Variants in EHBP1 observed in about 807,000 individuals in gnomAD.
The protein encoded by EHBP1 is EH domain-binding protein 1.
Under a neutral mutation model 144.0 loss-of-function variants are expected in EHBP1, and 55 were observed. The observed-to-expected ratio is 0.38, with a 90% CI of 0.31 to 0.48. The LOEUF (loss-of-function observed/expected upper bound fraction) is 0.48, where lower values mean the gene tolerates loss of function less well. Ranked by LOEUF, EHBP1 falls within the 20% of genes least tolerant of loss-of-function variation. The pLI is 0.98. For synonymous variants in EHBP1, 469 were observed against 472.7 expected, an observed-to-expected ratio of 0.99 and a Z score of 0.10; for missense variants, 1,200 against 1,364.2, an observed-to-expected ratio of 0.88 and a Z score of 1.90.
At chr2:62,847,164 A>G (rs1168417284) in intron 7 of EHBP1, among the ~76,000 whole-genome samples, 1 of 152,228 alleles carries the variant, frequency 6.6e-6, no homozygotes, top group African/African-American at 2.4e-5. Flanking sequence ...AATATACCCA[A>G]GCTTGGCCAA....
intron 2 of EHBP1, among the ~76,000 whole-genome samples, chr2:62,742,353 C>T (rs1477720637): frequency 6.6e-6 from 1 of 152,106 alleles, no homozygotes; most frequent in Non-Finnish European, 1.5e-5. Flanking sequence ...TGGAACCAAT[C>T]CCCCACAGAT....
intron 19 of EHBP1, among the ~76,000 whole-genome samples, chr2:63,036,203 A>G (rs1157801205): frequency 1.3e-5 from 2 of 152,092 alleles, no homozygotes; most frequent in African/African-American, 2.4e-5. Flanking sequence ...AAATTATGGT[A>G]TGCTCATAAT....
Position 63,045,220 on chromosome 2 carries a change from G to T in EHBP1, c.3392+40G>T, listed in dbSNP as rs377119679. ...GGGTCGGGTCGAGGCTGGGCCACCT[G>T]CCGAGGGGCCGAGAAGTGTGCGGAA... On this transcript the variant is annotated intron_variant, in intron 22 of 22. Coordinates refer to ENST00000431489, the MANE Select transcript of EHBP1 (RefSeq NM_001142616.3). The surrounding 1 kb of genome is among the most constrained non-coding windows in gnomAD (Gnocchi z 5.7). 517 of 1,523,574 alleles carry T rather than the reference G, an allele frequency of 3.4e-4. No individual in the cohort carries two copies. Among genetic ancestry groups the T allele is most frequent in the Admixed American group, 1.2e-3 (62 of 51,550 alleles). 94.4% of individuals were successfully genotyped at this position (1,523,574 alleles called of 1,614,324 possible).
chr2:62,878,894 T>C (rs2051122921), intron 10 of EHBP1, among the ~76,000 whole-genome samples: 1 of 151,786 alleles, frequency 6.6e-6, no homozygotes, highest in African/African-American at 2.4e-5. Context: ...GGTGGGCGCC[T>C]GTAGTCCCAG....
chr2:62,859,809 C>T (rs945489248), intron 8 of EHBP1, among the ~76,000 whole-genome samples: 2 of 151,850 alleles, frequency 1.3e-5, no homozygotes, highest in African/African-American at 4.8e-5. Flanking sequence ...ATTTTTTTTC[C>T]TGAGTCACTT....
chr2:62,790,480 A>G (rs1262244802), intron 5 of EHBP1, among the ~76,000 whole-genome samples: 2 of 152,200 alleles, frequency 1.3e-5, no homozygotes, highest in African/African-American at 4.8e-5. Context: ...ATGTTTAAAC[A>G]TTAAACATTT....
intron 18 of EHBP1, among the ~76,000 whole-genome samples, chr2:62,995,026 A>C (rs1056943435): frequency 6.6e-6 from 1 of 152,016 alleles, no homozygotes; most frequent in Non-Finnish European, 1.5e-5. Context: ...TGTTTTTTGT[A>C]TTATCTTTGC....
chr2:62,824,757 A>C (rs2046228800), intron 5 of EHBP1, among the ~76,000 whole-genome samples: 1 of 151,962 alleles, frequency 6.6e-6, no homozygotes, highest in African/African-American at 2.4e-5. Context: ...TAGGGATGCT[A>C]CATTACATTT....
intron 10 of EHBP1, 31 bp downstream of exon 10, chr2:62,874,563 T>C (rs762861884): frequency 3.3e-6 from 5 of 1,497,566 alleles, no homozygotes. Context: ...AAACATGTAT[T>C]AATATTTGCT....
chr2:62,850,362 T>A (rs1053579589), intron 7 of EHBP1, among the ~76,000 whole-genome samples: 2 of 152,190 alleles, frequency 1.3e-5, no homozygotes, highest in African/African-American at 4.8e-5. Flanking sequence ...TCGTCACTTG[T>A]CGTGCTGCCA....
chr2:62,728,786 GT>G (rs2151992701), intron 2 of EHBP1, among the ~76,000 whole-genome samples: 1 of 151,636 alleles, frequency 6.6e-6, no homozygotes, highest in South Asian at 2.1e-4. Flanking sequence ...TTTTTATTTT[GT>G]TACTTGTACT....
chr2:62,971,627 A>T (rs567902872), intron 14 of EHBP1, among the ~76,000 whole-genome samples: 29 of 152,320 alleles, frequency 1.9e-4, no homozygotes, highest in Non-Finnish European at 4.0e-4. Flanking sequence ...GCCATTTACA[A>T]GATATATGAC....
intron 5 of EHBP1, among the ~76,000 whole-genome samples, chr2:62,798,859 C>T (rs2043754385): frequency 6.6e-6 from 1 of 151,934 alleles, no homozygotes; most frequent in Non-Finnish European, 1.5e-5. Context: ...AAAAAATTAG[C>T]TGGGCATGGT....
chr2:62,774,449 A>T (rs1463488242), intron 5 of EHBP1, among the ~76,000 whole-genome samples: 1 of 152,058 alleles, frequency 6.6e-6, no homozygotes. Context: ...CCAAAATTTG[A>T]TATAAGTAGA....
rs1441090635 is a variant in EHBP1, at chr2:63,045,169, G to A, written c.3381G>A (p.Ala1127=). ...KRDALVRDLD[A]QEKQAEEEDE... Reference sequence around the variant, plus strand: ...ATGCGCTCGTCAGGGACCTGGACGCGCAGGAGAAGCAGTGAGTGGGCAGTG... The same window carrying A: ...ATGCGCTCGTCAGGGACCTGGACGCACAGGAGAAGCAGTGAGTGGGCAGTG... The change falls in exon 22 of 23, where the codon GCG becomes GCA. Residue 1127 remains alanine, a synonymous_variant. Coordinates refer to ENST00000431489, the MANE Select transcript of EHBP1 (RefSeq NM_001142616.3). The surrounding 1 kb of genome is among the most constrained non-coding windows in gnomAD (Gnocchi z 5.7). 6.3e-7 allele frequency: 1 copy of A among 1,585,398 alleles called. No homozygotes were observed. Among genetic ancestry groups the A allele is most frequent in the East Asian group, 2.3e-5 (1 of 43,364 alleles).
At chr2:62,729,234 G>A (rs1452050886) in intron 2 of EHBP1, among the ~76,000 whole-genome samples, 1 of 137,816 alleles carries the variant, frequency 7.3e-6, no homozygotes, top group African/African-American at 2.7e-5. Flanking sequence ...CTATCTTTGT[G>A]ATACACTATA....
chr2:62,901,065 A>G (rs936420179), intron 10 of EHBP1, among the ~76,000 whole-genome samples: 4 of 152,212 alleles, frequency 2.6e-5, no homozygotes, highest in Admixed American at 2.0e-4. Context: ...TTATTAAGCC[A>G]TAGGAACAAC....
At chr2:62,785,515 A>T (rs1385270469) in intron 5 of EHBP1, among the ~76,000 whole-genome samples, 1 of 152,126 alleles carries the variant, frequency 6.6e-6, no homozygotes, top group Non-Finnish European at 1.5e-5. Flanking sequence ...CCAGATTTCT[A>T]GTTTGAATGT....
At chr2:62,913,490 C>T (rs2054377265) in intron 10 of EHBP1, among the ~76,000 whole-genome samples, 1 of 152,202 alleles carries the variant, frequency 6.6e-6, no homozygotes, top group Non-Finnish European at 1.5e-5. Context: ...TAACACCCCA[C>T]TCAGGGCATG....
Sources: allele counts gnomAD v4.1 joint callset (sites outside exome capture counted in the v4.1 genomes callset), GRCh38; gene constraint gnomAD v4.1.1; non-coding constraint Gnocchi (gnomAD v3.1); transcripts MANE v1.5; gene names NCBI Gene and HGNC (gene_info 2026-07-23, HGNC 2026-07-21).